Variants in ANAPC11 observed in about 807,000 individuals in gnomAD.
ANAPC11 encodes the protein anaphase-promoting complex subunit 11.
Under a neutral mutation model 11.8 loss-of-function variants are expected in ANAPC11, and 5 were observed. That is an observed-to-expected ratio of 0.42 (90% CI 0.22 to 0.89). The LOEUF is 0.89. ANAPC11 is among the 40% of genes least tolerant of loss of function. The probability of loss-of-function intolerance (pLI) is 0.28; values close to 1 mark genes in which losing one functional copy is unlikely to be tolerated. For synonymous variants in ANAPC11, 45 were observed against 41.0 expected, an observed-to-expected ratio of 1.10 and a Z score of -0.38; for missense variants, 68 against 112.9, an observed-to-expected ratio of 0.60 and a Z score of 1.80.
At chr17:81,891,118 C>G (rs2039516491), upstream of ANAPC11, 5 of 638,424 alleles carry the variant, frequency 7.8e-6, no homozygotes, top group Non-Finnish European at 1.2e-5. Context: ...TGGGAAGGGT[C>G]TCAGCCTCCG....
intron 3 of ANAPC11, chr17:81,898,801 A>G (rs1179485664): frequency 5.8e-6 from 1 of 173,094 alleles, no homozygotes; most frequent in East Asian, 1.6e-4. Context: ...AGTCACCCTC[A>G]GTGCATCTGC....
chr17:81,896,462 A>G (rs1401153784), intron 3 of ANAPC11, among the ~76,000 whole-genome samples: 1 of 152,194 alleles, frequency 6.6e-6, no homozygotes, highest in East Asian at 1.9e-4. Context: ...GATTATGTTT[A>G]GGTTGAAAGC....
At chr17:81,895,755 G>A (rs1164234626) in intron 3 of ANAPC11, among the ~76,000 whole-genome samples, 1 of 152,102 alleles carries the variant, frequency 6.6e-6, no homozygotes, top group Non-Finnish European at 1.5e-5. Flanking sequence ...GGATCTCAAG[G>A]TCAGGAGATT....
At chr17:81,891,335 C>A, upstream of ANAPC11, 7 of 1,161,610 alleles carry the variant, frequency 6.0e-6, no homozygotes, top group South Asian at 1.8e-4. Flanking sequence ...TGCTGTAGGG[C>A]GCCGGTCGGT....
intron 2 of ANAPC11, among the ~76,000 whole-genome samples, chr17:81,894,097 G>A (rs1016239586): frequency 1.3e-5 from 2 of 151,844 alleles, no homozygotes; most frequent in African/African-American, 4.8e-5. Context: ...GGCCTACATG[G>A]TGAAACCTCG....
rs150198509 is a variant in ANAPC11, at chr17:81,899,325, C to G, written c.110-595C>G. On this transcript the variant is annotated intron_variant, in intron 3 of 3. Transcript: ENST00000344877. ...TGTCCTGGGAGGCAGGGCCCATCCA[C>G]AGGTGCCCATCAACACAGCTTCCCC... 339 of 1,613,648 alleles carry G rather than the reference C, an allele frequency of 2.1e-4. 2 individuals carry two copies. In the African/African-American group the frequency reaches 3.9e-3, roughly 19 times the overall value.
At chr17:81,891,415 T>A (rs1472199148), upstream of ANAPC11, 1 of 1,034,986 alleles carries the variant, frequency 9.7e-7, no homozygotes, top group African/African-American at 1.8e-5. Context: ...CCGCCTCGAT[T>A]CACTCGCGCG....
upstream of ANAPC11, chr17:81,891,691 C>A (rs868705153): frequency 6.8e-6 from 7 of 1,036,454 alleles, no homozygotes; most frequent in East Asian, 1.2e-4. Context: ...CGGACGGCTG[C>A]GCGCGCGGGA....
chr17:81,892,469 C>CA (rs1469632982), intron 1 of ANAPC11, among the ~76,000 whole-genome samples: 1 of 147,872 alleles, frequency 6.8e-6, no homozygotes, highest in Admixed American at 6.7e-5. Flanking sequence ...ACCCTGTCTC[C>CA]AAAAAAAAAT....
At chr17:81,890,863 T>C (rs536847828), upstream of ANAPC11, 6 of 1,612,954 alleles carry the variant, frequency 3.7e-6, no homozygotes, top group East Asian at 1.1e-4. Context: ...TGAGTCTCAG[T>C]CCAGGGCTTT....
At chr17:81,895,098 A>G (rs1048057432) in intron 3 of ANAPC11, among the ~76,000 whole-genome samples, 154 of 117,876 alleles carry the variant, frequency 1.3e-3, no homozygotes, top group African/African-American at 5.3e-3. Flanking sequence ...CTTGTTGCCC[A>G]GGCTGGAGTG....
chr17:81,897,085 C>G (rs1422262710), intron 3 of ANAPC11, among the ~76,000 whole-genome samples: 2 of 152,184 alleles, frequency 1.3e-5, no homozygotes, highest in African/African-American at 2.4e-5. Context: ...ACTGCAACTT[C>G]CGCCTCCCTA....
At chr17:81,897,035 C>CT (rs1376935156) in intron 3 of ANAPC11, among the ~76,000 whole-genome samples, 1 of 152,062 alleles carries the variant, frequency 6.6e-6, no homozygotes, top group African/African-American at 2.4e-5. Flanking sequence ...GAGTCTCACT[C>CT]TGTCACCAGG....
Position 81,900,143 on chromosome 17 carries a change from GC to G in ANAPC11, c.*82del. On this transcript the variant is annotated 3_prime_UTR_variant, in exon 4 of 4. Transcript: ENST00000344877. ...GGCGCCGATGGCTGCTGGGGACAGC[GC>G]CCCTGAGCTGCAACAAGGTGGAAAC... The G allele has an allele frequency of 1.9e-6, 3 of 1,581,188 alleles. No homozygotes were observed. The highest frequency in any genetic ancestry group is 2.3e-5 in the East Asian group (1 of 43,952).
downstream of ANAPC11, chr17:81,900,261 G>T: frequency 1.2e-6 from 1 of 819,860 alleles, no homozygotes; most frequent in Non-Finnish European, 1.9e-6. Context: ...TCTTGCTGGA[G>T]GCCTCTGGGT....
rs892257520 is a variant in ANAPC11, at chr17:81,897,037, G to A, written c.109+2451G>A. Among the ~76,000 whole-genome samples, 7 of 151,962 alleles carry A rather than the reference G, an allele frequency of 4.6e-5. 1 individual carries two copies. Among genetic ancestry groups the A allele is most frequent in the Middle Eastern group, 3.2e-3 (1 of 316 alleles). ...TATTTTCGAGACAGAGTCTCACTCT[G>A]TCACCAGGGCTGGAGTGCAGTGGCA... On this transcript the variant is annotated intron_variant, in intron 3 of 3. Transcript: ENST00000344877.
intron 1 of ANAPC11, among the ~76,000 whole-genome samples, chr17:81,892,463 T>C (rs947523029): frequency 5.3e-5 from 8 of 150,796 alleles, no homozygotes; most frequent in Admixed American, 1.3e-4. Flanking sequence ...AGCCAGACCC[T>C]GTCTCCAAAA....
At position 81,894,761 on chromosome 17, in the gene ANAPC11, A is replaced by T. The variant is rs1225759919; in HGVS notation, c.109+175A>T. The T allele has an allele frequency of 1.1e-5, 5 of 440,192 alleles. No individual in the cohort carries two copies. In the Admixed American group the frequency reaches 1.4e-4, roughly 13 times the overall value. The allele number at this position is 440,192 out of a possible 1,614,324, so 27.3% of individuals were successfully genotyped here. A position where few individuals can be genotyped will look rare whatever the true frequency, so the allele number is the denominator to read the frequency against. On this transcript the variant is annotated intron_variant, in intron 3 of 3. Coordinates refer to ENST00000344877, the MANE Select transcript of ANAPC11 (RefSeq NM_001002248.3). ...AGACCGAGTTTCGATCTTGTTTCCC[A>T]GGCTGGAGTGCAATGGCGCGATCTC...
intron 3 of ANAPC11, among the ~76,000 whole-genome samples, chr17:81,897,259 A>G (rs892119616): frequency 1.3e-5 from 2 of 152,114 alleles, no homozygotes; most frequent in East Asian, 1.9e-4. Flanking sequence ...TCAGCCTCCC[A>G]AAGTGCTGGG....
Sources: allele counts gnomAD v4.1 joint callset (sites outside exome capture counted in the v4.1 genomes callset), GRCh38; gene constraint gnomAD v4.1.1; transcripts MANE v1.5; gene names NCBI Gene and HGNC (gene_info 2026-07-23, HGNC 2026-07-21).